Variants in IL9R observed in about 807,000 individuals in gnomAD.
The protein encoded by IL9R is interleukin-9 receptor.
In IL9R, 54 loss-of-function variants were observed where a neutral mutation model predicts 56.3. The observed-to-expected ratio is 0.96, with a 90% CI of 0.77 to 1.20. The LOEUF (loss-of-function observed/expected upper bound fraction) is 1.20, where lower values mean the gene tolerates loss of function less well. IL9R is among the 50% of genes most tolerant of loss of function. IL9R has a pLI of 0.00. For synonymous variants in IL9R, 212 were observed against 250.2 expected (o/e 0.85, Z 1.44); for missense variants, 545 against 629.8 (o/e 0.87, Z 1.44).
At chrX:156,002,130 T>C (rs1320791558) in intron 1 of IL9R, among the ~76,000 whole-genome samples, 1 of 151,450 alleles carries the variant, frequency 6.6e-6, no homozygotes, top group East Asian at 1.9e-4. Flanking sequence ...TCCCTTGAGG[T>C]CAGGAGGTCA....
At chrX:156,000,687 A>G (rs942722395) in intron 1 of IL9R, among the ~76,000 whole-genome samples, 4 of 152,152 alleles carry the variant, frequency 2.6e-5, no homozygotes, top group African/African-American at 9.7e-5. Flanking sequence ...GGAGCCTGTG[A>G]GTAAGGGTGT....
chrX:156,006,069 C>T lies in IL9R; in HGVS notation c.782-14C>T, dbSNP rs2067917444. The T allele has an allele frequency of 6.4e-7, 1 of 1,566,060 alleles. No homozygotes were observed. The highest frequency in any genetic ancestry group is 8.8e-7 in the Non-Finnish European group (1 of 1,138,312). On this transcript the variant is annotated splice_polypyrimidine_tract_variant and intron_variant, in intron 6 of 8. Coordinates refer to ENST00000244174, the MANE Select transcript of IL9R (RefSeq NM_002186.3). Reference sequence around the variant, plus strand: ...CTGAGGCTGCTCACAGCCCTGGGCCCTTCCTGTCCACAGGCCCTCTGATCC... The same window carrying T: ...CTGAGGCTGCTCACAGCCCTGGGCCTTTCCTGTCCACAGGCCCTCTGATCC...
At chrX:156,003,041 C>G in intron 2 of IL9R, 22 bp downstream of exon 2, 2 of 1,613,624 alleles carry the variant, frequency 1.2e-6, no homozygotes, top group South Asian at 2.2e-5. Context: ...GCACTAATGT[C>G]TGTATGAGGT....
chrX:156,006,593 G>A (rs1376965268), intron 7 of IL9R, among the ~76,000 whole-genome samples: 1 of 150,856 alleles, frequency 6.6e-6, no homozygotes. Flanking sequence ...GGCATCTGGT[G>A]TGCTCAGGAC....
At position 155,997,718 on chromosome X, in the gene IL9R, G is replaced by A. The variant is rs370519402; in HGVS notation, c.-42G>A. On this transcript the variant is annotated 5_prime_UTR_variant, in exon 1 of 9. Transcript: ENST00000244174. ...TTTGCTGTGCACCCAGAGATAGTTGGGTGACAAATCACCTCCAGGTTGGGG... is the reference window on the plus strand; with the variant it reads ...TTTGCTGTGCACCCAGAGATAGTTGAGTGACAAATCACCTCCAGGTTGGGG... 2 of 1,607,892 alleles carry A rather than the reference G, an allele frequency of 1.2e-6. No individual in the cohort carries two copies. Among genetic ancestry groups the A allele is most frequent in the Middle Eastern group, 3.3e-4 (2 of 6,052 alleles).
At chrX:155,997,949 C>G (rs2067252440) in intron 1 of IL9R, among the ~76,000 whole-genome samples, 162 bp downstream of exon 1, 1 of 152,072 alleles carries the variant, frequency 6.6e-6, no homozygotes, top group African/African-American at 2.4e-5. Context: ...TTGTGTATCT[C>G]TTAGAGATGG....
rs566708471 is a variant in IL9R, at chrX:156,000,134, T to TAAAAAA, written c.28+2354_28+2359dup. ...CTGAGCGACAGAGCGAGACTCCGTCTAAAAAAAAAAAATATATATATATAT... is the reference window on the plus strand; with the variant it reads ...CTGAGCGACAGAGCGAGACTCCGTCTAAAAAAAAAAAAAAAAAATATATATATATAT... On this transcript the variant is annotated intron_variant, in intron 1 of 8. Transcript: ENST00000244174. Among the ~76,000 whole-genome samples, 7 of 141,314 alleles carry TAAAAAA rather than the reference T, an allele frequency of 5.0e-5. No individual in the cohort carries two copies. In the South Asian group the frequency reaches 1.3e-3, roughly 27 times the overall value. 92.7% of individuals were successfully genotyped at this position (141,314 alleles called of 152,430 possible). A position where few individuals can be genotyped will look rare whatever the true frequency, so the allele number is the denominator to read the frequency against.
At chrX:156,005,212 G>A in intron 5 of IL9R, 66 bp from the exon 6 acceptor site, 1 of 1,253,466 alleles carries the variant, frequency 8.0e-7, no homozygotes. Flanking sequence ...ATGCATGTGT[G>A]TATTCTCGAG....
intron 2 of IL9R, 62 bp from the exon 3 acceptor site, chrX:156,003,387 C>G: frequency 8.5e-7 from 1 of 1,173,442 alleles, no homozygotes; most frequent in East Asian, 2.3e-5. Context: ...TCCTCCCCAA[C>G]CCCCGAGCTC....
chrX:155,997,949 CTT>C (rs3093458), intron 1 of IL9R, among the ~76,000 whole-genome samples, 162 bp downstream of exon 1: 1,578 of 152,176 alleles, frequency 0.01, 32 homozygotes, highest in African/African-American at 0.036. Context: ...TTGTGTATCT[CTT>C]AGAGATGGCA....
rs2067652212 is a variant in IL9R, at chrX:156,003,076, GGGGACT to G, written c.142+61_142+66del. 15 of 1,607,608 alleles carry G rather than the reference GGGGACT, an allele frequency of 9.3e-6. No individual in the cohort carries two copies. The South Asian group carries it at 1.2e-4, about 13-fold the overall frequency. On this transcript the variant is annotated intron_variant, in intron 2 of 8. Transcript: ENST00000244174. Reference sequence around the variant, plus strand: ...TGGGTGGAGAACTAGGGCATGTTTGGGGGACTGGGTTGTCCGATGTCAAGCCTCTAG... The same window carrying G: ...TGGGTGGAGAACTAGGGCATGTTTGGGGGTTGTCCGATGTCAAGCCTCTAG...
chrX:156,003,546 G>A lies in IL9R; in HGVS notation c.240G>A (p.Trp80Ter). ...AGCTGGGACAGGGCTCCAGCCCCTGGCTCCTCTTCACCAGGTGAGCATGGA... is the reference window on the plus strand; with the variant it reads ...AGCTGGGACAGGGCTCCAGCCCCTGACTCCTCTTCACCAGGTGAGCATGGA... ...APELGQGSSP[W>*]LLFTSNQAPG... The change falls in exon 3 of 9, where the codon TGG (tryptophan) becomes TGA (stop). Residue 80 changes from tryptophan (W) to a stop codon, truncating the protein, a stop_gained. Coordinates refer to ENST00000244174, the MANE Select transcript of IL9R (RefSeq NM_002186.3). LOFTEE classifies it high-confidence loss of function. 1 of 1,612,994 alleles carries A rather than the reference G, an allele frequency of 6.2e-7. No homozygotes were observed. The highest frequency in any genetic ancestry group is 8.5e-7 in the Non-Finnish European group (1 of 1,179,382).
chrX:156,009,001 TTGTGTGTGTGTGTCTC>T (rs1356342012), intron 8 of IL9R, among the ~76,000 whole-genome samples: 76 of 133,688 alleles, frequency 5.7e-4, no homozygotes, highest in East Asian at 1.5e-3. Context: ...CTGTGTGTGT[TTGTGTGTGTGTGTCTC>T]TGTGTGTGTG....
chrX:156,000,615 C>T (rs1229647376), intron 1 of IL9R, among the ~76,000 whole-genome samples: 9 of 152,160 alleles, frequency 5.9e-5, no homozygotes, highest in South Asian at 4.1e-4. Flanking sequence ...CTCTCACAAC[C>T]GGCCTGTTAC....
intron 5 of IL9R, 95 bp from the exon 6 acceptor site, chrX:156,005,183 T>G (rs2067835112): frequency 1.1e-6 from 1 of 914,956 alleles, no homozygotes; most frequent in African/African-American, 1.6e-5. Flanking sequence ...TGTTCAAGAG[T>G]GTGTTATATG....
At chrX:156,006,428 G>A (rs1603172860) in intron 7 of IL9R, among the ~76,000 whole-genome samples, 1 of 141,958 alleles carries the variant, frequency 7.0e-6, no homozygotes, top group Non-Finnish European at 1.6e-5. Flanking sequence ...GGGAGAGCAG[G>A]GAAGGGGGGT....
intron 5 of IL9R, 113 bp from the exon 6 acceptor site, chrX:156,005,165 C>T: frequency 2.5e-6 from 2 of 803,400 alleles, no homozygotes; most frequent in Admixed American, 2.0e-5. Context: ...TGTGTGTTAA[C>T]ACAAGTGTGT....
At chrX:156,004,223 G>A (rs1338267071) in intron 4 of IL9R, 197 bp from the exon 5 acceptor site, 2 of 614,336 alleles carry the variant, frequency 3.3e-6, no homozygotes, top group African/African-American at 1.9e-5. Context: ...ACCTAGTCTA[G>A]GTGCAGAGGC....
rs747855848 is a variant in IL9R, at chrX:156,002,828, T to C, written c.29-78T>C. ...GCAGGTGGGGACCCATGGAGCACTCTGCTGGGGAGCAATTCATGGGGAGCA... is the reference window on the plus strand; with the variant it reads ...GCAGGTGGGGACCCATGGAGCACTCCGCTGGGGAGCAATTCATGGGGAGCA... On this transcript the variant is annotated intron_variant, in intron 1 of 8. Coordinates refer to ENST00000244174, the MANE Select transcript of IL9R (RefSeq NM_002186.3). 6.3e-3 allele frequency: 10,175 copies of C among 1,607,758 alleles called. 51 individuals carry two copies. Among genetic ancestry groups the C allele is most frequent in the Non-Finnish European group, 8.2e-3 (9,625 of 1,175,956 alleles).
Sources: allele counts gnomAD v4.1 joint callset (sites outside exome capture counted in the v4.1 genomes callset), GRCh38; gene constraint gnomAD v4.1.1; transcripts MANE v1.5; gene names NCBI Gene and HGNC (gene_info 2026-07-23, HGNC 2026-07-21).